The following CEP128 variants were observed in gnomAD, a reference collection of about 807,000 sequenced individuals.
The protein encoded by CEP128 is centrosomal protein 128kDa.
In CEP128, 132 loss-of-function variants were observed where a neutral mutation model predicts 156.7. The observed-to-expected ratio is 0.84, with a 90% confidence interval of 0.73 to 0.97. The LOEUF (loss-of-function observed/expected upper bound fraction) is 0.97. Ranked by LOEUF, CEP128 falls within the 50% of genes least tolerant of loss-of-function variation. CEP128 has a pLI of 0.00. For missense variants in CEP128, 1,252 were observed against 1,281.9 expected (o/e 0.98, Z 0.36); for synonymous variants, 469 against 448.9 (o/e 1.04, Z -0.57).
chr14:80,498,695 T>G (rs1329496833), intron 24 of CEP128, among the ~76,000 whole-genome samples: 1 of 152,234 alleles, frequency 6.6e-6, no homozygotes, highest in Non-Finnish European at 1.5e-5. Flanking sequence ...TGGTACCTTC[T>G]ATCATTTCAC....
intron 18 of CEP128, among the ~76,000 whole-genome samples, chr14:80,754,351 T>G (rs1322783654): frequency 6.6e-6 from 1 of 152,162 alleles, no homozygotes; most frequent in Non-Finnish European, 1.5e-5. Flanking sequence ...ATCTGGGACA[T>G]CAGCCTCCAT....
At chr14:80,827,811 GGGC>G (rs1374969322) in intron 13 of CEP128, among the ~76,000 whole-genome samples, 2 of 152,112 alleles carry the variant, frequency 1.3e-5, no homozygotes, top group Non-Finnish European at 2.9e-5. Context: ...TATCTGTATA[GGGC>G]TCCCACAGGG....
At chr14:80,776,876 T>C (rs1385797454) in intron 16 of CEP128, among the ~76,000 whole-genome samples, 2 of 152,194 alleles carry the variant, frequency 1.3e-5, no homozygotes, top group Non-Finnish European at 2.9e-5. Flanking sequence ...TATTCTTAGT[T>C]GACTTTTTGC....
intron 8 of CEP128, among the ~76,000 whole-genome samples, chr14:80,884,290 C>T (rs1166806419): frequency 6.6e-6 from 1 of 152,144 alleles, no homozygotes; most frequent in African/African-American, 2.4e-5. Context: ...AATGAAGAGA[C>T]GACCCAGAAA....
At position 80,883,137 on chromosome 14, in the gene CEP128, A is replaced by G. The variant is rs530519060; in HGVS notation, c.645+12581T>C. ...TGTGATTATTACACATTGCATGCCT[A>G]TATCAAAACATCTCATGTACCTGTA... On this transcript the variant is annotated intron_variant, in intron 8 of 24. Coordinates refer to ENST00000555265, the MANE Select transcript of CEP128 (RefSeq NM_152446.5). 1.1e-3 allele frequency among the ~76,000 whole-genome samples: 160 copies of G among 152,252 alleles called. 1 individual carries two copies. The highest frequency in any genetic ancestry group is 3.7e-3 in the African/African-American group (152 of 41,566).
chr14:80,922,127 A>G (rs1020842510), intron 2 of CEP128, among the ~76,000 whole-genome samples: 2 of 152,246 alleles, frequency 1.3e-5, no homozygotes, highest in Admixed American at 1.3e-4. Flanking sequence ...ACAGGCTGAC[A>G]GCAGATTAAC....
At chr14:80,543,776 A>T (rs1889866354) in intron 21 of CEP128, among the ~76,000 whole-genome samples, 1 of 152,308 alleles carries the variant, frequency 6.6e-6, no homozygotes, top group African/African-American at 2.4e-5. Flanking sequence ...GGCTGGTAGC[A>T]AATAGGAAAA....
At chr14:80,813,137 A>T (rs921065643) in intron 13 of CEP128, among the ~76,000 whole-genome samples, 28 of 152,060 alleles carry the variant, frequency 1.8e-4, no homozygotes, top group African/African-American at 6.8e-4. Flanking sequence ...CAGATGCATA[A>T]TTTGTAAATA....
At chr14:80,605,324 TA>T (rs1892734379) in intron 19 of CEP128, among the ~76,000 whole-genome samples, 1 of 152,032 alleles carries the variant, frequency 6.6e-6, no homozygotes. Flanking sequence ...ATTATCTCCC[TA>T]AAACCTTTTA....
At chr14:80,738,662 T>TA (rs1255487862) in intron 19 of CEP128, among the ~76,000 whole-genome samples, 20 of 152,254 alleles carry the variant, frequency 1.3e-4, no homozygotes, top group African/African-American at 4.1e-4. Flanking sequence ...CACATTCGAG[T>TA]AACTTTTATT....
intron 9 of CEP128, among the ~76,000 whole-genome samples, chr14:80,850,465 T>C (rs1396882405): frequency 6.6e-6 from 1 of 152,214 alleles, no homozygotes; most frequent in African/African-American, 2.4e-5. Flanking sequence ...ATGACCTTTA[T>C]CAATTTATTT....
intron 19 of CEP128, among the ~76,000 whole-genome samples, chr14:80,604,919 G>A (rs1186542296): frequency 1.3e-5 from 2 of 151,980 alleles, no homozygotes. Context: ...TTGACAATTA[G>A]GACAAAAAAG....
intron 9 of CEP128, among the ~76,000 whole-genome samples, chr14:80,849,964 G>A (rs1886803881): frequency 6.6e-6 from 1 of 152,028 alleles, no homozygotes; most frequent in African/African-American, 2.4e-5. Flanking sequence ...AAGTGGAAAA[G>A]GGAATGGGAA....
At chr14:80,956,422 C>G (rs1886690976) in intron 2 of CEP128, among the ~76,000 whole-genome samples, 1 of 152,094 alleles carries the variant, frequency 6.6e-6, no homozygotes, top group African/African-American at 2.4e-5. Flanking sequence ...CGTCCAGAAC[C>G]CTGCTTTGTG....
intron 9 of CEP128, among the ~76,000 whole-genome samples, chr14:80,849,043 AGAG>A (rs1389508737): frequency 6.6e-6 from 1 of 152,204 alleles, no homozygotes; most frequent in Non-Finnish European, 1.5e-5. Context: ...CCCCAGCAAA[AGAG>A]GAGATGTAGT....
chr14:80,837,678 T>C (rs954733362), intron 11 of CEP128, among the ~76,000 whole-genome samples: 1 of 152,206 alleles, frequency 6.6e-6, no homozygotes, highest in East Asian at 1.9e-4. Context: ...ATTGCGCCAC[T>C]GCACTCCAGC....
At chr14:80,900,061 G>T in intron 6 of CEP128, 32 bp from the exon 7 acceptor site, 1 of 1,321,490 alleles carries the variant, frequency 7.6e-7, no homozygotes, top group South Asian at 1.2e-5. Flanking sequence ...TATCCATTTA[G>T]AATTCTGTTG....
chr14:80,633,819 G>A (rs1240541941), intron 19 of CEP128, among the ~76,000 whole-genome samples: 1 of 152,106 alleles, frequency 6.6e-6, no homozygotes, highest in Non-Finnish European at 1.5e-5. Flanking sequence ...ATAAATGTGT[G>A]CCCATGGGAG....
At position 80,761,105 on chromosome 14, in the gene CEP128, G is replaced by T. The variant is rs77984338; in HGVS notation, c.2553+332C>A. On this transcript the variant is annotated intron_variant, in intron 17 of 24. Transcript: ENST00000555265. ...CTATAGTACTCAATAGATGTTAGCC[G>T]GTAATATACCAACAACAACAAAAAT... Among the ~76,000 whole-genome samples the T allele has an allele frequency of 1.6e-4, 25 of 151,894 alleles. No individual in the cohort carries two copies. The South Asian group carries it at 2.9e-3, about 18-fold the overall frequency.
Sources: gnomAD v4.1 joint callset for allele counts (sites outside exome capture counted in the v4.1 genomes callset) on GRCh38, gnomAD v4.1.1 for gene constraint, MANE v1.5 for transcripts, NCBI Gene and HGNC (gene_info 2026-07-23, HGNC 2026-07-21) for gene names.